PMM2: variants seen among roughly 807,000 people sequenced by gnomAD.
PMM2 encodes the protein mannose-6-phosphate isomerase.
Under a neutral mutation model 33.2 loss-of-function variants are expected in PMM2, and 35 were observed. The ratio of observed to expected loss-of-function variants is 1.06; its 90% CI spans 0.81 to 1.40. The LOEUF (loss-of-function observed/expected upper bound fraction) is 1.40, where lower values mean the gene tolerates loss of function less well. PMM2 is among the 40% of genes most tolerant of loss of function. The pLI is 0.00. For missense variants in PMM2, 386 were observed against 306.0 expected (o/e 1.26, Z -1.95); for synonymous variants, 153 against 114.7 (o/e 1.33, Z -2.13).
intron 7 of PMM2, among the ~76,000 whole-genome samples, chr16:8,829,636 C>T (rs1468842100): frequency 1.3e-5 from 2 of 152,166 alleles, no homozygotes; most frequent in Non-Finnish European, 2.9e-5. Flanking sequence ...TGGGAAGGGA[C>T]GCCTTCCACC....
intron 7 of PMM2, among the ~76,000 whole-genome samples, chr16:8,815,919 A>G (rs184005194): frequency 7.9e-5 from 12 of 152,292 alleles, no homozygotes; most frequent in Admixed American, 3.3e-4. Context: ...TAAAAGGGCT[A>G]GTATCCAAAA....
intron 7 of PMM2, among the ~76,000 whole-genome samples, chr16:8,813,857 CTTTTTTTTTT>C (rs148507269): frequency 1.4e-3 from 126 of 89,142 alleles, no homozygotes; most frequent in African/African-American, 2.6e-3. Flanking sequence ...TTTTCTTTCT[CTTTTTTTTTT>C]TTTTTTTTTT....
At chr16:8,811,866 C>G (rs1210203557) in intron 6 of PMM2, among the ~76,000 whole-genome samples, 153 bp downstream of exon 6, 1 of 152,216 alleles carries the variant, frequency 6.6e-6, no homozygotes, top group Non-Finnish European at 1.5e-5. Context: ...ACCAACCACT[C>G]TCTTTTCTGC....
chr16:8,847,125 A>C (rs750091302), intron 7 of PMM2, among the ~76,000 whole-genome samples: 3 of 152,074 alleles, frequency 2.0e-5, no homozygotes, highest in Non-Finnish European at 4.4e-5. Flanking sequence ...CAGCCTCCCA[A>C]AGTGCTGGGA....
At chr16:8,827,882 AATATATG>A (rs1393246671) in intron 7 of PMM2, among the ~76,000 whole-genome samples, 2 of 105,838 alleles carry the variant, frequency 1.9e-5, no homozygotes, top group Admixed American at 1.1e-4. Flanking sequence ...TATGTTATAT[AATATATG>A]ATATATATGA....
intron 7 of PMM2, among the ~76,000 whole-genome samples, chr16:8,831,397 C>T (rs1404650268): frequency 6.6e-6 from 1 of 151,350 alleles, no homozygotes; most frequent in Admixed American, 6.6e-5. Context: ...GACTATAAGG[C>T]ATGGTGGTGC....
chr16:8,823,152 C>A (rs1055163246), intron 7 of PMM2, among the ~76,000 whole-genome samples: 1 of 152,130 alleles, frequency 6.6e-6, no homozygotes, highest in Non-Finnish European at 1.5e-5. Flanking sequence ...AGAGATGGCA[C>A]TGGAGATGGG....
chr16:8,848,592 G>C lies in PMM2; in HGVS notation c.*767G>C, dbSNP rs571727037. On this transcript the variant is annotated 3_prime_UTR_variant, in exon 8 of 8. Transcript: ENST00000268261. The stretch of plus-strand genomic sequence containing the variant: ...TGGGAACCAACAGCTGGGCTGGAGA[G>C]TTGGTGCTGGCAAAACAGTCCTTGC... The C allele has an allele frequency of 6.6e-6, 1 of 152,572 alleles. No individual in the cohort carries two copies. The highest frequency in any genetic ancestry group is 2.1e-4 in the South Asian group (1 of 4,836). 9.5% of individuals were successfully genotyped at this position (152,572 alleles called of 1,614,324 possible). A position where few individuals can be genotyped will look rare whatever the true frequency, so the allele number is the denominator to read the frequency against.
intron 4 of PMM2, chr16:8,809,701 C>T (rs539745030): frequency 1.3e-5 from 2 of 152,270 alleles, no homozygotes; most frequent in East Asian, 1.9e-4. Context: ...ATCCGCCCGC[C>T]GCAGCATCCC....
intron 5 of PMM2, 123 bp from the exon 6 acceptor site, chr16:8,811,515 C>T: frequency 1.4e-6 from 1 of 731,576 alleles, no homozygotes; most frequent in East Asian, 2.7e-5. Flanking sequence ...GCAAGACCCC[C>T]ATCTCAAAAA....
intron 7 of PMM2, among the ~76,000 whole-genome samples, chr16:8,834,104 C>A (rs1448157550): frequency 2.0e-5 from 3 of 152,156 alleles, no homozygotes; most frequent in African/African-American, 7.2e-5. Flanking sequence ...AAAGGAGCGT[C>A]TATACAGGAG....
intron 7 of PMM2, among the ~76,000 whole-genome samples, chr16:8,839,884 AG>A (rs1408050206): frequency 1.8e-4 from 2 of 11,126 alleles, no homozygotes; most frequent in African/African-American, 3.0e-4. Flanking sequence ...GAAAGGAGAA[AG>A]GAGAAAGGTT....
intron 7 of PMM2, among the ~76,000 whole-genome samples, chr16:8,835,037 C>T (rs55875658): frequency 0.5 from 64,270 of 128,628 alleles, 13,346 homozygotes; most frequent in Non-Finnish European, 0.52. Flanking sequence ...TTGGAAGTTA[C>T]GAGAAATGTA....
At chr16:8,802,702 C>T (rs577264063) in intron 2 of PMM2, among the ~76,000 whole-genome samples, 21 of 152,106 alleles carry the variant, frequency 1.4e-4, no homozygotes, top group African/African-American at 4.8e-4. Context: ...TGATGACGGG[C>T]ACCTGTAATC....
chr16:8,835,723 C>T (rs1001916896), intron 7 of PMM2, among the ~76,000 whole-genome samples: 10 of 151,902 alleles, frequency 6.6e-5, no homozygotes, highest in African/African-American at 2.4e-4. Context: ...CTGTAGCAGG[C>T]GAGTGATAAC....
At chr16:8,831,436 C>A (rs1194129912) in intron 7 of PMM2, among the ~76,000 whole-genome samples, 1 of 152,206 alleles carries the variant, frequency 6.6e-6, no homozygotes. Flanking sequence ...ACTCAGGAGG[C>A]TGAGGTGGGA....
At chr16:8,802,662 C>G (rs1189083320) in intron 2 of PMM2, among the ~76,000 whole-genome samples, 1 of 151,976 alleles carries the variant, frequency 6.6e-6, no homozygotes, top group African/African-American at 2.4e-5. Flanking sequence ...AACCCCATTT[C>G]TACTAAAACT....
At chr16:8,844,105 G>C (rs1010246108) in intron 7 of PMM2, among the ~76,000 whole-genome samples, 11 of 152,206 alleles carry the variant, frequency 7.2e-5, no homozygotes, top group Non-Finnish European at 1.2e-4. Flanking sequence ...TGGAAAAATT[G>C]AAAGTGCCGT....
chr16:8,827,740 A>ATATATAT (rs1440203273), intron 7 of PMM2, among the ~76,000 whole-genome samples: 1 of 33,210 alleles, frequency 3.0e-5, no homozygotes, highest in Non-Finnish European at 6.2e-5. Flanking sequence ...ATATATATAT[A>ATATATAT]TATATATATA....
Sources: gnomAD v4.1 joint callset for allele counts (sites outside exome capture counted in the v4.1 genomes callset) on GRCh38, gnomAD v4.1.1 for gene constraint, MANE v1.5 for transcripts, NCBI Gene and HGNC (gene_info 2026-07-23, HGNC 2026-07-21) for gene names.